The following CELF1 variants were observed in gnomAD, a reference collection of about 807,000 sequenced individuals.
CELF1 encodes 50 kDa nuclear polyadenylated RNA-binding protein.
CELF1 carries 10 observed loss-of-function variants against 61.8 expected under a neutral mutation model. The observed-to-expected ratio is 0.16, with a 90% CI of 0.10 to 0.27. CELF1 has a LOEUF of 0.27. Among genes scored for constraint, CELF1 ranks in the 10% least tolerant of loss-of-function variants. CELF1 has a pLI of 1.00. For missense variants in CELF1, 380 were observed against 639.1 expected (o/e 0.59, Z 4.37); for synonymous variants, 236 against 225.1 (o/e 1.05, Z -0.43).
chr11:47,507,446 G>A (rs536075620), intron 1 of CELF1, among the ~76,000 whole-genome samples: 4 of 151,830 alleles, frequency 2.6e-5, no homozygotes, highest in African/African-American at 9.7e-5. Flanking sequence ...CTAGGGTGGC[G>A]GTGAACCACT....
chr11:47,512,966 G>A (rs2153611925), intron 1 of CELF1, among the ~76,000 whole-genome samples: 1 of 152,274 alleles, frequency 6.6e-6, no homozygotes, highest in East Asian at 1.9e-4. Context: ...ATGGACAAGT[G>A]AGATTTCCTG....
intron 9 of CELF1, among the ~76,000 whole-genome samples, 163 bp from the exon 10 acceptor site, chr11:47,479,115 CA>C (rs2081555248): frequency 6.6e-6 from 1 of 151,438 alleles, no homozygotes. Context: ...AGGCTTATGA[CA>C]GCACAGGACA....
chr11:47,468,344 G>A lies in CELF1; in HGVS notation c.*3886C>T, dbSNP rs1472645699. 2 of 152,256 alleles carry A rather than the reference G, an allele frequency of 1.3e-5. No individual in the cohort carries two copies. Among genetic ancestry groups the A allele is most frequent in the East Asian group, 1.9e-4 (1 of 5,200 alleles). The allele number at this position is 152,256 out of a possible 1,614,324, so 9.4% of individuals were successfully genotyped here. A position where few individuals can be genotyped will look rare whatever the true frequency, so the allele number is the denominator to read the frequency against. ...AAACAAAAGAAAGAACAATACATGC[G>A]GTCTCCTCAAGCCCCACAGACTGTA... On this transcript the variant is annotated 3_prime_UTR_variant, in exon 15 of 15. Coordinates refer to ENST00000687097, the MANE Select transcript of CELF1 (RefSeq NM_001376376.1).
upstream of CELF1, among the ~76,000 whole-genome samples, chr11:47,556,903 T>C (rs755694882): frequency 2.6e-5 from 4 of 152,072 alleles, no homozygotes; most frequent in Non-Finnish European, 5.9e-5. Context: ...TATTTATTTA[T>C]TTATTATTTA....
At chr11:47,519,815 A>G (rs1460101205) in intron 1 of CELF1, among the ~76,000 whole-genome samples, 4 of 151,852 alleles carry the variant, frequency 2.6e-5, no homozygotes, top group African/African-American at 4.8e-5. Context: ...GTGAGCTGAG[A>G]TCGTGCCACT....
chr11:47,558,780 TA>T (rs1241834102), intron 2 of CELF1, among the ~76,000 whole-genome samples: 4 of 117,656 alleles, frequency 3.4e-5, no homozygotes, highest in African/African-American at 6.8e-5. Context: ...GTATATATAA[TA>T]TATATATAAT....
intron 2 of CELF1, among the ~76,000 whole-genome samples, chr11:47,559,823 G>A (rs976502287): frequency 4.2e-4 from 64 of 151,542 alleles, no homozygotes; most frequent in African/African-American, 1.5e-3. Flanking sequence ...CCAACGTGGT[G>A]AAACCCCATC....
intron 4 of CELF1, 71 bp downstream of exon 4, chr11:47,488,766 A>G: frequency 8.0e-7 from 1 of 1,253,378 alleles, no homozygotes; most frequent in Non-Finnish European, 1.0e-6. Flanking sequence ...ATCCTGTTAA[A>G]AACCCAAAGC....
chr11:47,472,409 T>A lies in CELF1; in HGVS notation c.1418-52A>T, dbSNP rs773380790. Reference sequence around the variant, plus strand: ...GAGGGACATAATGAGGCAAGGAGATTCTCAGTCCTCCTTATGCAAGATACC... The same window carrying A: ...GAGGGACATAATGAGGCAAGGAGATACTCAGTCCTCCTTATGCAAGATACC... On this transcript the variant is annotated intron_variant, in intron 14 of 14. Coordinates refer to ENST00000687097, the MANE Select transcript of CELF1 (RefSeq NM_001376376.1). The A allele has an allele frequency of 4.4e-6, 7 of 1,591,508 alleles. No homozygotes were observed. The Admixed American group carries it at 1.2e-4, about 27-fold the overall frequency.
intron 1 of CELF1, among the ~76,000 whole-genome samples, chr11:47,521,995 C>T (rs1012002931): frequency 1.3e-5 from 2 of 151,866 alleles, no homozygotes; most frequent in Non-Finnish European, 2.9e-5. Flanking sequence ...ATCACAACCT[C>T]CATCTCCCGG....
At chr11:47,535,671 C>A (rs1300509175) in intron 1 of CELF1, among the ~76,000 whole-genome samples, 4 of 147,004 alleles carry the variant, frequency 2.7e-5, no homozygotes, top group African/African-American at 1.0e-4. Context: ...AAGAGCGAAA[C>A]CCCATCTCAA....
intron 9 of CELF1, among the ~76,000 whole-genome samples, chr11:47,482,243 A>G (rs1396156191): frequency 6.6e-6 from 1 of 151,782 alleles, no homozygotes; most frequent in Non-Finnish European, 1.5e-5. Flanking sequence ...AAGCAAAAAA[A>G]GAAAAAAAAT....
chr11:47,558,849 T>C (rs1287423848), intron 2 of CELF1, among the ~76,000 whole-genome samples: 1 of 129,460 alleles, frequency 7.7e-6, no homozygotes, highest in Non-Finnish European at 1.6e-5. Flanking sequence ...GCCAATAATA[T>C]ATATATACAA....
chr11:47,481,204 T>A (rs1432024710), intron 9 of CELF1, among the ~76,000 whole-genome samples: 1 of 143,038 alleles, frequency 7.0e-6, no homozygotes. Flanking sequence ...CTCCGCTCAG[T>A]GCAACCTCCG....
chr11:47,490,425 GTTTT>G (rs373523637), intron 3 of CELF1, among the ~76,000 whole-genome samples: 2 of 130,050 alleles, frequency 1.5e-5, no homozygotes, highest in African/African-American at 2.9e-5. Flanking sequence ...CAACATGCTA[GTTTT>G]TTTTTTTTTT....
intron 1 of CELF1, among the ~76,000 whole-genome samples, chr11:47,508,675 AACACACAC>A (rs10690121): frequency 2.7e-5 from 4 of 148,950 alleles, no homozygotes; most frequent in East Asian, 2.0e-4. Context: ...GGAAACCTCA[AACACACAC>A]ACACACACAC....
chr11:47,559,772 C>T (rs1002378169), intron 2 of CELF1, among the ~76,000 whole-genome samples: 9 of 152,104 alleles, frequency 5.9e-5, no homozygotes, highest in South Asian at 4.1e-4. Context: ...GAGGCTGCGG[C>T]GGGCAGATCA....
At chr11:47,543,521 T>C (rs966998634) in intron 1 of CELF1, among the ~76,000 whole-genome samples, 1 of 152,304 alleles carries the variant, frequency 6.6e-6, no homozygotes, top group East Asian at 1.9e-4. Flanking sequence ...AAAATAACTA[T>C]AGAATTCTAT....
chr11:47,501,066 T>C (rs1248625841), intron 1 of CELF1, 134 bp from the exon 2 acceptor site: 1 of 395,356 alleles, frequency 2.5e-6, no homozygotes, highest in African/African-American at 2.1e-5. Flanking sequence ...TGTCTGCACC[T>C]GACCCAGGAA....
Sources: gnomAD v4.1 joint callset for allele counts (sites outside exome capture counted in the v4.1 genomes callset) on GRCh38, gnomAD v4.1.1 for gene constraint, MANE v1.5 for transcripts, NCBI Gene and HGNC (gene_info 2026-07-23, HGNC 2026-07-21) for gene names.